THSD7B: variants seen among roughly 807,000 people sequenced by gnomAD.
THSD7B encodes the protein thrombospondin type-1 domain-containing protein 7B.
A neutral mutation model predicts 213.6 loss-of-function variants in THSD7B; 138 were observed. The observed-to-expected ratio is 0.65, with a 90% CI of 0.56 to 0.74. The LOEUF is 0.74. THSD7B is among the 30% of genes least tolerant of loss of function. The pLI is 0.00. For synonymous variants in THSD7B, 742 were observed against 687.0 expected (o/e 1.08, Z -1.25); for missense variants, 1,931 against 1,991.5 (o/e 0.97, Z 0.58).
At chr2:136,966,253 T>G (rs1392448216) in intron 2 of THSD7B, among the ~76,000 whole-genome samples, 2 of 151,992 alleles carry the variant, frequency 1.3e-5, no homozygotes, top group African/African-American at 4.8e-5. Flanking sequence ...GGTTTCAGTC[T>G]GTTGCCCAGG....
intron 15 of THSD7B, among the ~76,000 whole-genome samples, chr2:137,526,033 C>G (rs1378290055): frequency 6.6e-6 from 1 of 152,078 alleles, no homozygotes; most frequent in South Asian, 2.1e-4. Context: ...ACCTAGCCAG[C>G]CCCTCCCAGG....
At chr2:137,288,128 G>A (rs1204846644) in intron 12 of THSD7B, among the ~76,000 whole-genome samples, 2 of 151,998 alleles carry the variant, frequency 1.3e-5, no homozygotes, top group African/African-American at 4.8e-5. Context: ...AAAGAGAACA[G>A]AAGGACTAAC....
At chr2:137,533,953 A>C (rs1322922539) in intron 15 of THSD7B, among the ~76,000 whole-genome samples, 1 of 151,608 alleles carries the variant, frequency 6.6e-6, no homozygotes, top group Non-Finnish European at 1.5e-5. Context: ...TGTTTATTCC[A>C]ATATCCTTTA....
chr2:137,332,064 C>T (rs1288423006), intron 12 of THSD7B, among the ~76,000 whole-genome samples: 1 of 152,186 alleles, frequency 6.6e-6, no homozygotes, highest in Non-Finnish European at 1.5e-5. Flanking sequence ...CACAGTGCAG[C>T]AGTGGGCTGA....
At chr2:137,287,785 G>T (rs1573936088) in intron 12 of THSD7B, among the ~76,000 whole-genome samples, 1 of 151,582 alleles carries the variant, frequency 6.6e-6, no homozygotes, top group Non-Finnish European at 1.5e-5. Flanking sequence ...GTGGGTGGGG[G>T]TAATTTTTTT....
rs544661318 is a variant in THSD7B, at chr2:136,886,396, G to A, written c.139+4079G>A. 1.1e-4 allele frequency among the ~76,000 whole-genome samples: 17 copies of A among 152,218 alleles called. 1 individual carries two copies. The South Asian group carries it at 2.9e-3, about 26-fold the overall frequency. On this transcript the variant is annotated intron_variant, in intron 2 of 27. Coordinates refer to ENST00000409968, the MANE Select transcript of THSD7B (RefSeq NM_001316349.2). ...CAGAATTAAAGGGAAGAGCCATGGT[G>A]ATAGCTTGAACCAAGGCCATGGCAG...
intron 15 of THSD7B, among the ~76,000 whole-genome samples, chr2:137,491,437 G>T (rs1367598039): frequency 1.3e-5 from 2 of 152,116 alleles, no homozygotes; most frequent in Non-Finnish European, 2.9e-5. Context: ...ATTAATCTGG[G>T]TTTACATAAC....
intron 2 of THSD7B, among the ~76,000 whole-genome samples, chr2:136,893,581 C>A (rs1423012429): frequency 6.6e-6 from 1 of 152,094 alleles, no homozygotes; most frequent in African/African-American, 2.4e-5. Context: ...TTTGGAGTAA[C>A]AAAGGAACCT....
chr2:137,025,177 C>T (rs965752383), intron 2 of THSD7B, among the ~76,000 whole-genome samples: 24 of 152,166 alleles, frequency 1.6e-4, no homozygotes, highest in African/African-American at 4.1e-4. Flanking sequence ...CCCTGCCTCT[C>T]TCTTTTTTCT....
intron 5 of THSD7B, among the ~76,000 whole-genome samples, chr2:137,147,513 C>G (rs80229477): frequency 0.034 from 5,071 of 149,700 alleles, 306 homozygotes; most frequent in African/African-American, 0.12. Flanking sequence ...AGAGTTCTTA[C>G]TTGGACCTTG....
chr2:136,932,213 G>A (rs1000218833), intron 2 of THSD7B, among the ~76,000 whole-genome samples: 9 of 152,156 alleles, frequency 5.9e-5, no homozygotes, highest in African/African-American at 2.2e-4. Context: ...AAATCAAAGA[G>A]TGAGATGGAA....
chr2:137,476,410 T>G (rs1688193698), intron 15 of THSD7B, among the ~76,000 whole-genome samples: 2 of 152,036 alleles, frequency 1.3e-5, no homozygotes, highest in African/African-American at 4.8e-5. Flanking sequence ...TGTCCTGAAG[T>G]GTTTTCCCTA....
intron 12 of THSD7B, among the ~76,000 whole-genome samples, chr2:137,312,617 C>T (rs1357904675): frequency 2.0e-5 from 3 of 150,936 alleles, no homozygotes; most frequent in Non-Finnish European, 2.9e-5. Flanking sequence ...AATTTTGGAT[C>T]TTTCCTGCTT....
At chr2:136,832,593 A>T (rs1386255689) in intron 1 of THSD7B, among the ~76,000 whole-genome samples, 1 of 152,218 alleles carries the variant, frequency 6.6e-6, no homozygotes, top group African/African-American at 2.4e-5. Flanking sequence ...CCAATCTCCC[A>T]GTGAAATTGA....
In THSD7B at chr2:137,114,553, A is replaced by G. The variant is rs1253862806; in HGVS notation, c.1200-571A>G. On this transcript the variant is annotated intron_variant, in intron 4 of 27. Transcript: ENST00000409968. ...GTAAAAAAGTATTAATCAGTTATAT[A>G]TAGTGGCACGGTATTAACTCATTTT... Among the ~76,000 whole-genome samples, 8 of 152,240 alleles carry G rather than the reference A, an allele frequency of 5.3e-5. 1 individual carries two copies. Among genetic ancestry groups the G allele is most frequent in the Middle Eastern group, 6.3e-3 (2 of 316 alleles).
chr2:137,349,472 T>C (rs1467327552), intron 12 of THSD7B, among the ~76,000 whole-genome samples: 2 of 151,884 alleles, frequency 1.3e-5, no homozygotes, highest in Non-Finnish European at 2.9e-5. Flanking sequence ...TGTTAAATAA[T>C]GTGTCAGATG....
intron 9 of THSD7B, 37 bp downstream of exon 9, chr2:137,233,170 A>T: frequency 1.3e-6 from 2 of 1,557,128 alleles, no homozygotes; most frequent in African/African-American, 1.4e-5. Flanking sequence ...GCATTTGCTT[A>T]TTTCATGTTG....
intron 6 of THSD7B, among the ~76,000 whole-genome samples, chr2:137,166,228 T>C (rs1438527300): frequency 1.3e-5 from 2 of 152,142 alleles, no homozygotes; most frequent in African/African-American, 2.4e-5. Context: ...CTAGGATGCC[T>C]TTCAGAGGAA....
intron 2 of THSD7B, among the ~76,000 whole-genome samples, chr2:136,943,325 A>G (rs987960134): frequency 3.3e-5 from 5 of 152,180 alleles, no homozygotes; most frequent in Admixed American, 6.5e-5. Flanking sequence ...CATCAGGGAT[A>G]TTGGTCTAAA....
Sources: gnomAD v4.1 joint callset for allele counts (sites outside exome capture counted in the v4.1 genomes callset) on GRCh38, gnomAD v4.1.1 for gene constraint, MANE v1.5 for transcripts, NCBI Gene and HGNC (gene_info 2026-07-23, HGNC 2026-07-21) for gene names.